Variants in ANAPC4 observed in about 807,000 individuals in gnomAD.
ANAPC4 encodes the protein anaphase promoting complex subunit 4, also known as anaphase-promoting complex subunit 4.
In ANAPC4, 63 loss-of-function variants were observed where a neutral mutation model predicts 119.8. That is an observed-to-expected ratio of 0.53 (90% CI 0.43 to 0.65). The LOEUF is 0.65. Ranked by LOEUF, ANAPC4 falls within the 30% of genes least tolerant of loss-of-function variation. The pLI, the probability that ANAPC4 is intolerant of heterozygous loss-of-function variation, is 0.00. For missense variants in ANAPC4, 716 were observed against 945.1 expected (o/e 0.76, Z 3.18); for synonymous variants, 283 against 318.6 (o/e 0.89, Z 1.19).
chr4:25,417,579 C>T lies in ANAPC4; in HGVS notation c.2076-37C>T, dbSNP rs759998141. The T allele has an allele frequency of 3.3e-6, 5 of 1,537,536 alleles. No individual in the cohort carries two copies. The South Asian group carries it at 6.5e-5, about 20-fold the overall frequency. ...AGTAAAACTAGGGAGGATAAGATCC[C>T]CTTTTCATTCCTGAGTTGGTTTTTT... On this transcript the variant is annotated intron_variant, in intron 27 of 28. Transcript: ENST00000315368.
rs142249752 is a variant in ANAPC4 at position 25,396,224 on chromosome 4, C to CT, written c.1062-439dup. 7.5e-3 allele frequency among the ~76,000 whole-genome samples: 1,149 copies of CT among 152,334 alleles called. 36 individuals are homozygous for CT. In the East Asian group the frequency reaches 0.11, roughly 15 times the overall value. The stretch of plus-strand genomic sequence containing the variant: ...GTAGTTGGAATGGTACACTGTATGA[C>CT]TATGCGATCATGACTGTCTTCCCTG... On this transcript the variant is annotated intron_variant, in intron 14 of 28. Transcript: ENST00000315368.
intron 17 of ANAPC4, among the ~76,000 whole-genome samples, chr4:25,404,256 T>G (rs1401029654): frequency 6.6e-6 from 1 of 152,206 alleles, no homozygotes; most frequent in East Asian, 1.9e-4. Context: ...TTCTGAAAAC[T>G]GTACCAATAC....
chr4:25,398,889 AT>A (rs1722798874), intron 16 of ANAPC4, among the ~76,000 whole-genome samples: 1 of 151,668 alleles, frequency 6.6e-6, no homozygotes, highest in Admixed American at 6.6e-5. Flanking sequence ...TAGAATTGAT[AT>A]TTACTGAAAG....
At chr4:25,390,766 C>A in intron 8 of ANAPC4, 145 bp from the exon 9 acceptor site, 1 of 612,474 alleles carries the variant, frequency 1.6e-6, no homozygotes. Context: ...CAGGCAGACA[C>A]CTACCTTCAT....
intron 8 of ANAPC4, 133 bp downstream of exon 8, chr4:25,390,353 C>G (rs1722277986): frequency 1.8e-6 from 1 of 555,880 alleles, no homozygotes; most frequent in East Asian, 3.2e-5. Flanking sequence ...TGTTCAGAGA[C>G]TAATTTCCTT....
intron 19 of ANAPC4, 137 bp from the exon 20 acceptor site, chr4:25,407,058 TTG>T: frequency 8.9e-6 from 8 of 899,996 alleles, no homozygotes; most frequent in Non-Finnish European, 1.4e-5. Context: ...AGACTTTTGT[TTG>T]TGTGTCTTAT....
intron 10 of ANAPC4, 97 bp downstream of exon 10, chr4:25,392,518 G>C: frequency 1.1e-6 from 1 of 904,988 alleles, no homozygotes; most frequent in Non-Finnish European, 1.7e-6. Context: ...AAAGCTTTCT[G>C]AAGTAGAGGT....
At chr4:25,391,794 C>A (rs1203196550) in intron 9 of ANAPC4, among the ~76,000 whole-genome samples, 9 of 152,196 alleles carry the variant, frequency 5.9e-5, no homozygotes, top group Non-Finnish European at 1.2e-4. Context: ...GTATTCAGAG[C>A]ATCAGAGAAC....
In ANAPC4 at chr4:25,396,718, G is replaced by A; in HGVS notation, c.1116G>A (p.Trp372Ter). 6 of 1,613,678 alleles carry A rather than the reference G, an allele frequency of 3.7e-6. No homozygotes were observed. The highest frequency in any genetic ancestry group is 5.1e-6 in the Non-Finnish European group (6 of 1,179,880). Residue 372 changes from tryptophan to a stop codon, truncating the protein, a stop_gained, in exon 15 of 29, where the codon TGG becomes TGA. Transcript: ENST00000315368. LOFTEE classifies it high-confidence loss of function. ...GTGAATTGAAAGGAATGGCTTCATG[G>A]AAGCAAAAATATGAACCTCTTGGAC... ...HLSELKGMAS[W>*]KQKYEPLGLD...
intron 2 of ANAPC4, 25 bp downstream of exon 2, chr4:25,377,581 C>T: frequency 6.3e-7 from 1 of 1,587,366 alleles, no homozygotes; most frequent in Non-Finnish European, 8.5e-7. Flanking sequence ...GGGAGCCCGC[C>T]TGTGCTGGGT....
intron 25 of ANAPC4, 147 bp downstream of exon 25, chr4:25,414,847 AGG>A: frequency 2.7e-6 from 2 of 739,100 alleles, no homozygotes; most frequent in Non-Finnish European, 3.9e-6. Flanking sequence ...TGTCATTAAA[AGG>A]GTAACACTGA....
chr4:25,409,434 A>G (rs1287019900), intron 20 of ANAPC4, among the ~76,000 whole-genome samples: 2 of 152,208 alleles, frequency 1.3e-5, no homozygotes, highest in African/African-American at 4.8e-5. Flanking sequence ...GTAGCTAGCT[A>G]ACATTTATGG....
At chr4:25,416,261 G>A (rs1723865608) in intron 26 of ANAPC4, 164 bp from the exon 27 acceptor site, 3 of 445,912 alleles carry the variant, frequency 6.7e-6, no homozygotes, top group Non-Finnish European at 1.2e-5. Context: ...AGTACAAAAA[G>A]TAACTGATTT....
intron 17 of ANAPC4, among the ~76,000 whole-genome samples, chr4:25,403,695 G>C (rs1723101587): frequency 6.6e-6 from 1 of 152,108 alleles, no homozygotes; most frequent in African/African-American, 2.4e-5. Flanking sequence ...CTGTATATTT[G>C]GTTCCTTAGC....
rs1368975265 is a variant in ANAPC4 at position 25,377,363 on chromosome 4, C to A, written c.-11+19C>A. The A allele has an allele frequency of 1.3e-6, 2 of 1,594,804 alleles. No individual in the cohort carries two copies. The highest frequency in any genetic ancestry group is 2.7e-5 in the African/African-American group (2 of 74,666). On this transcript the variant is annotated intron_variant, in intron 1 of 28. Coordinates refer to ENST00000315368, the MANE Select transcript of ANAPC4 (RefSeq NM_013367.3). Reference sequence around the variant, plus strand: ...CTTGCAGGTACAGGCGCGGTCGGGGCTCCTCGTGGAGAGCCGGGGGCTCCT... The same window carrying A: ...CTTGCAGGTACAGGCGCGGTCGGGGATCCTCGTGGAGAGCCGGGGGCTCCT...
intron 8 of ANAPC4, 131 bp downstream of exon 8, chr4:25,390,351 G>A (rs1048655677): frequency 1.8e-6 from 1 of 565,784 alleles, no homozygotes. Context: ...AATGTTCAGA[G>A]ACTAATTTCC....
chr4:25,401,659 A>G (rs371310571), intron 16 of ANAPC4, among the ~76,000 whole-genome samples: 32 of 152,296 alleles, frequency 2.1e-4, no homozygotes, highest in African/African-American at 7.2e-4. Flanking sequence ...AAGCCACATC[A>G]GTCACTTTTG....
In ANAPC4 at chr4:25,396,629, C is replaced by T. The variant is rs761554899; in HGVS notation, c.1062-35C>T. ...GGCAAGTTAGTCACTTGATGATCGT[C>T]ATGATACTAATTTATTTCTGCTCTG... On this transcript the variant is annotated intron_variant, in intron 14 of 28. Transcript: ENST00000315368. The T allele has an allele frequency of 5.5e-6, 8 of 1,461,754 alleles. No homozygotes were observed. In the South Asian group the frequency reaches 1.0e-4, roughly 19 times the overall value. 90.5% of individuals were successfully genotyped at this position (1,461,754 alleles called of 1,614,324 possible).
In ANAPC4 at chr4:25,414,202, A is replaced by G. The variant is rs1723733837; in HGVS notation, c.1624-122A>G. ...ATTGTCATTAACGTTTCTTATGTAC[A>G]AGGTTTGGTGATGTAGGCGATTTTT... On this transcript the variant is annotated intron_variant, in intron 22 of 28. Transcript: ENST00000315368. 1.4e-5 allele frequency: 9 copies of G among 624,656 alleles called. No individual in the cohort carries two copies. In the South Asian group the frequency reaches 2.6e-4, roughly 18 times the overall value. 38.7% of individuals were successfully genotyped at this position (624,656 alleles called of 1,614,324 possible).
Sources: gnomAD v4.1 joint callset for allele counts (sites outside exome capture counted in the v4.1 genomes callset) on GRCh38, gnomAD v4.1.1 for gene constraint, MANE v1.5 for transcripts, NCBI Gene and HGNC (gene_info 2026-07-23, HGNC 2026-07-21) for gene names.